Variants in EVC2 observed in about 807,000 individuals in gnomAD.
EVC2 encodes the protein EvC ciliary complex subunit 2.
Under a neutral mutation model 149.3 loss-of-function variants are expected in EVC2, and 148 were observed. That is an observed-to-expected ratio of 0.99 (90% confidence interval 0.87 to 1.14). EVC2 has a LOEUF of 1.14. Ranked by LOEUF, EVC2 falls within the 50% of genes most tolerant of loss-of-function variation. EVC2 has a pLI of 0.00. For missense variants in EVC2, 1,854 were observed against 1,627.3 expected, an observed-to-expected ratio of 1.14 and a Z score of -2.40; for synonymous variants, 776 against 649.9, an observed-to-expected ratio of 1.19 and a Z score of -2.95.
At chr4:5,589,032 T>C (rs1221324034) in intron 16 of EVC2, among the ~76,000 whole-genome samples, 1 of 152,254 alleles carries the variant, frequency 6.6e-6, no homozygotes, top group Non-Finnish European at 1.5e-5. Context: ...TGAGGAGTTA[T>C]ATTTTCCTAT....
At chr4:5,584,029 T>C (rs1712042736) in intron 17 of EVC2, among the ~76,000 whole-genome samples, 1 of 152,118 alleles carries the variant, frequency 6.6e-6, no homozygotes. Flanking sequence ...CATGTCTATT[T>C]ACAACTTAGT....
rs1201024254 is a variant in EVC2 at position 5,696,724 on chromosome 4, G to T, written c.283+869C>A. On this transcript the variant is annotated intron_variant, in intron 2 of 21. Coordinates refer to ENST00000344408, the MANE Select transcript of EVC2 (RefSeq NM_147127.5). This position sits in a 1 kb window ranked among gnomAD's most constrained non-coding sequence, Gnocchi z 4.1. ...GAACCTTGTGCTCCTGGGTCCAGCAGTGCCAGGGCCTGTGCGTTTCAGTTA... is the reference window on the plus strand; with the variant it reads ...GAACCTTGTGCTCCTGGGTCCAGCATTGCCAGGGCCTGTGCGTTTCAGTTA... 1.3e-5 allele frequency among the ~76,000 whole-genome samples: 2 copies of T among 152,200 alleles called. No homozygotes were observed. The highest frequency in any genetic ancestry group is 2.9e-5 in the Non-Finnish European group (2 of 68,028).
chr4:5,586,306 T>C lies in EVC2; in HGVS notation c.2830-1456A>G, dbSNP rs959290306. Reference sequence around the variant, plus strand: ...TCTGTTTTGTTATTTTAGTGGCTGCTTTAGGGTTTATAGTACACATCTTTG... The same window carrying C: ...TCTGTTTTGTTATTTTAGTGGCTGCCTTAGGGTTTATAGTACACATCTTTG... On this transcript the variant is annotated intron_variant, in intron 16 of 21. Coordinates refer to ENST00000344408, the MANE Select transcript of EVC2 (RefSeq NM_147127.5). Among the ~76,000 whole-genome samples, 6 of 152,198 alleles carry C rather than the reference T, an allele frequency of 3.9e-5. 1 individual carries two copies. The highest frequency in any genetic ancestry group is 6.5e-5 in the Admixed American group (1 of 15,278).
Position 5,631,988 on chromosome 4 carries a change from C to T in EVC2, c.1515G>A (p.Leu505=), listed in dbSNP as rs139168606. 6.2e-7 allele frequency: 1 copy of T among 1,614,204 alleles called. No individual in the cohort carries two copies. Among genetic ancestry groups the T allele is most frequent in the African/African-American group, 1.3e-5 (1 of 75,042 alleles). Residue 505 remains leucine, a synonymous_variant, in exon 11 of 22, where the codon CTG becomes CTA. Transcript: ENST00000344408. ...GAGACTTCCTCAAGTGCTCCTGTTC[C>T]AGGCCATGGAGGGTCCGCAGAAGGT... ...CSNLLRTLHG[L]EQEHLRKSLA...
At chr4:5,595,783 A>G (rs1232774485) in intron 16 of EVC2, among the ~76,000 whole-genome samples, 1 of 152,246 alleles carries the variant, frequency 6.6e-6, no homozygotes, top group Non-Finnish European at 1.5e-5. Context: ...CAAATTGGAT[A>G]AAGAGTCAAG....
chr4:5,589,339 G>A (rs1026793066), intron 16 of EVC2, among the ~76,000 whole-genome samples: 7 of 152,196 alleles, frequency 4.6e-5, no homozygotes, highest in African/African-American at 1.2e-4. Flanking sequence ...CCAACCTGGT[G>A]TAAATGCTGA....
intron 16 of EVC2, among the ~76,000 whole-genome samples, chr4:5,592,919 TC>T (rs1712953820): frequency 6.6e-6 from 1 of 152,088 alleles, no homozygotes; most frequent in Admixed American, 6.5e-5. Context: ...GTTCTCATAA[TC>T]CCCACCTGTC....
rs2108895919 is a variant in EVC2, at chr4:5,663,146, G to C, written c.1106C>G (p.Ser369Cys). ...AAGCATGCTCCCAGGGTCCTCGGAA[G>C]ACAGAATGTCTATCATTTGGTCGTT... is the stretch of plus-strand genomic sequence containing the variant. ...SLNDQMIDIL[S>C]SEDPGSMLQA... is the part of the protein sequence containing the mutation. Residue 369 changes from serine to cysteine, a missense_variant, in exon 9 of 22, where the codon TCT (serine) becomes TGT (cysteine). By Grantham distance (112) the Ser-to-Cys change is moderately radical. Transcript: ENST00000344408. The C allele has an allele frequency of 2.5e-6, 4 of 1,614,184 alleles. No homozygotes were observed. The highest frequency in any genetic ancestry group is 3.4e-6 in the Non-Finnish European group (4 of 1,180,016).
intron 21 of EVC2, 48 bp downstream of exon 21, chr4:5,565,210 G>T: frequency 6.3e-7 from 1 of 1,588,890 alleles, no homozygotes. Context: ...CCCACAGGCA[G>T]CTTAGCTCAC....
intron 1 of EVC2, among the ~76,000 whole-genome samples, chr4:5,702,814 G>A (rs572443515): frequency 2.7e-4 from 41 of 152,262 alleles, no homozygotes; most frequent in African/African-American, 9.4e-4. Context: ...AGACAAGTCT[G>A]GGTGGACATC....
intron 3 of EVC2, among the ~76,000 whole-genome samples, chr4:5,693,087 T>C (rs1187372773): frequency 6.6e-6 from 1 of 152,082 alleles, no homozygotes; most frequent in Non-Finnish European, 1.5e-5. Context: ...CTTCTGACCT[T>C]CATATAGCAT....
At chr4:5,536,739 A>G in the EVC2 span, among the ~76,000 whole-genome samples, 48 of 151,940 alleles carry the variant, frequency 3.2e-4, no homozygotes, top group African/African-American at 1.1e-3. Flanking sequence ...AGCAGAGATC[A>G]CGCCACTGCA....
Position 5,618,343 on chromosome 4 carries a change from A to G in EVC2, c.2706+135T>C, listed in dbSNP as rs1445026969. On this transcript the variant is annotated intron_variant, in intron 15 of 21. Coordinates refer to ENST00000344408, the MANE Select transcript of EVC2 (RefSeq NM_147127.5). This position sits in a 1 kb window ranked among gnomAD's most constrained non-coding sequence, Gnocchi z 4.4. ...AGATTCCTGGAATAGCTGGACACCAATGCAGCCAGAGAGGAGAGGATAGGG... is the reference window on the plus strand; with the variant it reads ...AGATTCCTGGAATAGCTGGACACCAGTGCAGCCAGAGAGGAGAGGATAGGG... The G allele has an allele frequency of 1.2e-5, 12 of 978,180 alleles. No homozygotes were observed. Among genetic ancestry groups the G allele is most frequent in the East Asian group, 2.6e-5 (1 of 38,784 alleles). 60.6% of individuals were successfully genotyped at this position (978,180 alleles called of 1,614,324 possible).
intron 6 of EVC2, among the ~76,000 whole-genome samples, chr4:5,682,720 G>A (rs866061808): frequency 4.6e-5 from 7 of 151,660 alleles, no homozygotes; most frequent in African/African-American, 7.3e-5. Flanking sequence ...TTAGCCAGGT[G>A]TGGTGGTGGG....
chr4:5,615,585 A>T (rs1259647235), intron 15 of EVC2, 41 bp from the exon 16 acceptor site: 5 of 1,613,914 alleles, frequency 3.1e-6, no homozygotes, highest in Non-Finnish European at 3.4e-6. Flanking sequence ...GAAGGCAATC[A>T]CCAGCAAGTC....
rs780637246 is a variant in EVC2, at chr4:5,625,894, T to C, written c.1901A>G (p.Asp634Gly). The change falls in exon 13 of 22, where the codon GAT becomes GGT. Residue 634 changes from aspartate to glycine, a missense_variant. Asp to Gly is a moderately conservative substitution (Grantham distance 94). Coordinates refer to ENST00000344408, the MANE Select transcript of EVC2 (RefSeq NM_147127.5). This position sits in a 1 kb window ranked among gnomAD's most constrained non-coding sequence, Gnocchi z 4.0. ...IQKHERAGYL[D>G]EDQMEMLLER... ...CAATAGCATTTCCATTTGGTCTTCA[T>C]CCAGGTACCCTGCTCTAGATGGAAA... 3.7e-6 allele frequency: 6 copies of C among 1,613,938 alleles called. No individual in the cohort carries two copies. The highest frequency in any genetic ancestry group is 1.3e-5 in the African/African-American group (1 of 74,920).
chr4:5,593,708 G>C (rs1399333860), intron 16 of EVC2, among the ~76,000 whole-genome samples: 3 of 152,160 alleles, frequency 2.0e-5, no homozygotes, highest in Non-Finnish European at 4.4e-5. Context: ...GGGAGTGCCA[G>C]ACACTGGGCG....
chr4:5,639,961 A>G lies in EVC2; in HGVS notation c.1470+553T>C, dbSNP rs189750938. 2.8e-3 allele frequency among the ~76,000 whole-genome samples: 421 copies of G among 152,346 alleles called. 1 individual carries two copies. The highest frequency in any genetic ancestry group is 0.024 in the Middle Eastern group (7 of 294). On this transcript the variant is annotated intron_variant, in intron 10 of 21. Coordinates refer to ENST00000344408, the MANE Select transcript of EVC2 (RefSeq NM_147127.5). Reference sequence around the variant, plus strand: ...CCTTCACTGCCTAGCCCAGTGCCTGAGAGACAGTAAGTAATCAACACATTT... The same window carrying G: ...CCTTCACTGCCTAGCCCAGTGCCTGGGAGACAGTAAGTAATCAACACATTT...
chr4:5,595,974 G>A (rs1165879946), intron 16 of EVC2, among the ~76,000 whole-genome samples: 1 of 152,136 alleles, frequency 6.6e-6, no homozygotes, highest in Non-Finnish European at 1.5e-5. Flanking sequence ...GACAAAGAAG[G>A]CCATCACATA....
Sources: gnomAD v4.1 joint callset for allele counts (sites outside exome capture counted in the v4.1 genomes callset) on GRCh38, gnomAD v4.1.1 for gene constraint, Gnocchi (gnomAD v3.1) non-coding constraint, MANE v1.5 for transcripts, NCBI Gene and HGNC (gene_info 2026-07-23, HGNC 2026-07-21) for gene names.